The following ZMAT4 variants were observed in gnomAD, a reference collection of about 807,000 sequenced individuals.
ZMAT4 encodes the protein zinc finger matrin-type protein 4.
ZMAT4 carries 17 observed loss-of-function variants against 28.7 expected under a neutral mutation model. The observed-to-expected ratio is 0.59, with a 90% CI of 0.41 to 0.89. The LOEUF (loss-of-function observed/expected upper bound fraction) is 0.89. ZMAT4 is among the 40% of genes least tolerant of loss of function. ZMAT4 has a pLI of 0.00. For synonymous variants in ZMAT4, 117 were observed against 109.2 expected (o/e 1.07, Z -0.44); for missense variants, 240 against 283.8 (o/e 0.85, Z 1.11).
chr8:40,700,744 C>T (rs1435839682), intron 3 of ZMAT4, among the ~76,000 whole-genome samples: 1 of 152,096 alleles, frequency 6.6e-6, no homozygotes, highest in Non-Finnish European at 1.5e-5. Flanking sequence ...CTGGCTCCCT[C>T]TACTGTCTGG....
intron 2 of ZMAT4, among the ~76,000 whole-genome samples, chr8:40,808,850 T>TAA (rs36013592): frequency 0.038 from 5,528 of 145,070 alleles, 226 homozygotes; most frequent in East Asian, 0.21. Context: ...GCCAACTATT[T>TAA]AAAAAAAAAA....
At chr8:40,844,400 C>T (rs1310221743) in intron 1 of ZMAT4, among the ~76,000 whole-genome samples, 3 of 152,128 alleles carry the variant, frequency 2.0e-5, no homozygotes, top group African/African-American at 7.2e-5. Context: ...GGTGAGTTTG[C>T]TCTTTCTCTC....
intron 5 of ZMAT4, among the ~76,000 whole-genome samples, chr8:40,624,908 T>C (rs182211092): frequency 5.3e-5 from 8 of 152,310 alleles, no homozygotes; most frequent in Non-Finnish European, 8.8e-5. Context: ...TAGCATGTGA[T>C]GGGTGGTGCC....
Position 40,795,142 on chromosome 8 carries a change from A to G in ZMAT4, c.103-27412T>C, listed in dbSNP as rs534123763. Among the ~76,000 whole-genome samples, 36 of 152,242 alleles carry G rather than the reference A, an allele frequency of 2.4e-4. No homozygotes were observed. In the East Asian group the frequency reaches 6.4e-3, roughly 27 times the overall value. On this transcript the variant is annotated intron_variant, in intron 2 of 6. Transcript: ENST00000297737. Reference sequence around the variant, plus strand: ...TCCCCAGACCCTAGTCTAATCACACATCTACTCTGGACTTAGCCCTTACCT... The same window carrying G: ...TCCCCAGACCCTAGTCTAATCACACGTCTACTCTGGACTTAGCCCTTACCT...
intron 1 of ZMAT4, among the ~76,000 whole-genome samples, chr8:40,881,897 C>T (rs758610582): frequency 3.9e-5 from 6 of 152,150 alleles, no homozygotes; most frequent in African/African-American, 1.4e-4. Flanking sequence ...TCCTCAGAAG[C>T]CTGAGGACAC....
At chr8:40,841,952 C>T (rs746923945) in intron 1 of ZMAT4, among the ~76,000 whole-genome samples, 30 of 152,262 alleles carry the variant, frequency 2.0e-4, no homozygotes, top group African/African-American at 6.3e-4. Context: ...CCTGGCAGCA[C>T]GTGCCCACAG....
intron 5 of ZMAT4, chr8:40,674,326 TCAGGCAATCTGCC>T (rs1478907693): frequency 1.1e-5 from 2 of 183,560 alleles, no homozygotes; most frequent in Non-Finnish European, 2.3e-5. Flanking sequence ...ACTCCTGACC[TCAGGCAATCTGCC>T]CACCTCAGCC....
chr8:40,884,627 T>C (rs1221954681), intron 1 of ZMAT4: 1 of 152,314 alleles, frequency 6.6e-6, no homozygotes, highest in Non-Finnish European at 1.5e-5. Context: ...GCCAGCAGGA[T>C]TTGACCCAGC....
intron 6 of ZMAT4, among the ~76,000 whole-genome samples, chr8:40,567,095 A>C (rs912254377): frequency 6.6e-6 from 1 of 152,264 alleles, no homozygotes; most frequent in East Asian, 1.9e-4. Context: ...AGGAAGAGAA[A>C]AGACAGATAT....
intron 2 of ZMAT4, among the ~76,000 whole-genome samples, chr8:40,793,459 G>A (rs191283518): frequency 6.6e-6 from 1 of 152,252 alleles, no homozygotes; most frequent in Non-Finnish European, 1.5e-5. Flanking sequence ...TTTTCCAATC[G>A]GGCAAGGGCT....
At position 40,670,655 on chromosome 8, in the gene ZMAT4, G is replaced by A. The variant is rs150949956; in HGVS notation, c.577+4049C>T. On this transcript the variant is annotated intron_variant, in intron 5 of 6. Coordinates refer to ENST00000297737, the MANE Select transcript of ZMAT4 (RefSeq NM_024645.3). Reference sequence around the variant, plus strand: ...AACAAAGAATGTGAATCCATAATACGTGAAAGCCTTCTACCTCATCTCAAA... The same window carrying A: ...AACAAAGAATGTGAATCCATAATACATGAAAGCCTTCTACCTCATCTCAAA... Among the ~76,000 whole-genome samples the A allele has an allele frequency of 3.4e-4, 52 of 152,228 alleles. 1 individual carries two copies. Among genetic ancestry groups the A allele is most frequent in the African/African-American group, 1.0e-3 (43 of 41,550 alleles).
chr8:40,737,100 C>G (rs66498342), intron 3 of ZMAT4, among the ~76,000 whole-genome samples: 60,995 of 152,068 alleles, frequency 0.4, 12,821 homozygotes, highest in Middle Eastern at 0.5. Flanking sequence ...GCAAATAAAA[C>G]AACACAGAGA....
At chr8:40,545,037 T>C (rs1803155651) in intron 6 of ZMAT4, among the ~76,000 whole-genome samples, 1 of 152,230 alleles carries the variant, frequency 6.6e-6, no homozygotes, top group African/African-American at 2.4e-5. Flanking sequence ...GCTTGTTTAC[T>C]GTGATCATTG....
chr8:40,778,191 T>C (rs1563477934), intron 2 of ZMAT4, among the ~76,000 whole-genome samples: 1 of 152,250 alleles, frequency 6.6e-6, no homozygotes, highest in Non-Finnish European at 1.5e-5. Context: ...CCATCTCTCA[T>C]CAAATTATAT....
At chr8:40,739,386 CT>C (rs1400517303) in intron 3 of ZMAT4, among the ~76,000 whole-genome samples, 1 of 152,144 alleles carries the variant, frequency 6.6e-6, no homozygotes, top group South Asian at 2.1e-4. Context: ...CTAAAGACCC[CT>C]TTTCAAAATA....
At chr8:40,544,088 A>G (rs1301550312) in intron 6 of ZMAT4, among the ~76,000 whole-genome samples, 1 of 152,148 alleles carries the variant, frequency 6.6e-6, no homozygotes, top group Non-Finnish European at 1.5e-5. Context: ...GGAGGGGCCA[A>G]CTGAGTCTAT....
chr8:40,846,811 A>G (rs1411368938), intron 1 of ZMAT4, among the ~76,000 whole-genome samples: 1 of 152,056 alleles, frequency 6.6e-6, no homozygotes, highest in African/African-American at 2.4e-5. Flanking sequence ...CGGCAGGAGG[A>G]GTTCAGGTAG....
chr8:40,681,431 AT>A (rs1477940815), intron 4 of ZMAT4, among the ~76,000 whole-genome samples: 2 of 152,192 alleles, frequency 1.3e-5, no homozygotes, highest in East Asian at 3.8e-4. Context: ...TCTTCAGCAA[AT>A]ATCACTGTTT....
chr8:40,718,918 C>G (rs1474463716), intron 3 of ZMAT4, among the ~76,000 whole-genome samples: 1 of 152,158 alleles, frequency 6.6e-6, no homozygotes, highest in Admixed American at 6.5e-5. Context: ...CATATATACA[C>G]TTTCCAAGGT....
Sources: allele counts gnomAD v4.1 joint callset (sites outside exome capture counted in the v4.1 genomes callset), GRCh38; gene constraint gnomAD v4.1.1; transcripts MANE v1.5; gene names NCBI Gene and HGNC (gene_info 2026-07-23, HGNC 2026-07-21).